Variants in MORC2 observed in about 807,000 individuals in gnomAD.
MORC2 encodes the protein MORC family CW-type zinc finger 2.
Under a neutral mutation model 136.0 loss-of-function variants are expected in MORC2, and 30 were observed. The observed-to-expected ratio is 0.22, with a 90% confidence interval of 0.17 to 0.30. MORC2 has a LOEUF of 0.30. Ranked by LOEUF, MORC2 falls within the 10% of genes least tolerant of loss-of-function variation. The pLI, the probability that MORC2 is intolerant of heterozygous loss-of-function variation, is 1.00. For missense variants in MORC2, 922 were observed against 1,333.1 expected (o/e 0.69, Z 4.80); for synonymous variants, 439 against 487.0 (o/e 0.90, Z 1.30).
chr22:30,941,606 G>A lies in MORC2; in HGVS notation c.699-48C>T. The A allele has an allele frequency of 6.3e-7, 1 of 1,593,594 alleles. No individual in the cohort carries two copies. ...AGTGCTGTCACCTGCTCCACAACAG[G>A]CCTGACCAAGGGCACAACATCCTCT... On this transcript the variant is annotated intron_variant, in intron 8 of 25. Transcript: ENST00000397641. This position sits in a 1 kb window ranked among gnomAD's most constrained non-coding sequence, Gnocchi z 4.6.
chr22:30,959,269 T>C (rs2041009705), intron 1 of MORC2, among the ~76,000 whole-genome samples: 1 of 151,908 alleles, frequency 6.6e-6, no homozygotes, highest in African/African-American at 2.4e-5. Context: ...CTTGAAGGGG[T>C]TAATGTTAAC....
At position 30,946,721 on chromosome 22, in the gene MORC2, T is replaced by C. The variant is rs76902147; in HGVS notation, c.318-272A>G. 3.3e-5 allele frequency among the ~76,000 whole-genome samples: 5 copies of C among 152,150 alleles called. No homozygotes were observed. The East Asian group carries it at 9.7e-4, about 29-fold the overall frequency. On this transcript the variant is annotated intron_variant, in intron 5 of 25. Transcript: ENST00000397641. ...CCATACAGGGTTCTCTCACCACCCTTCTAGGGCGGGCTCACGGCAGACCAC... is the reference window on the plus strand; with the variant it reads ...CCATACAGGGTTCTCTCACCACCCTCCTAGGGCGGGCTCACGGCAGACCAC...
intron 20 of MORC2, among the ~76,000 whole-genome samples, chr22:30,933,808 A>C (rs2040612192): frequency 6.6e-6 from 1 of 152,168 alleles, no homozygotes; most frequent in African/African-American, 2.4e-5. Context: ...AGTCTCACTC[A>C]AGACCCTACC....
At chr22:30,966,757 AAC>A (rs1420734368) in intron 1 of MORC2, among the ~76,000 whole-genome samples, 2 of 152,188 alleles carry the variant, frequency 1.3e-5, no homozygotes, top group African/African-American at 4.8e-5. Flanking sequence ...TAGCCTGAGC[AAC>A]AGAGCAAGAC....
rs1350918560 is a variant in MORC2, at chr22:30,934,024, G to A, written c.2325+36C>T. On this transcript the variant is annotated intron_variant, in intron 20 of 25. Transcript: ENST00000397641. The surrounding 1 kb of genome is among the most constrained non-coding windows in gnomAD (Gnocchi z 4.4). ...GCTGGTGGGGGCTGCAGGCCCTAGA[G>A]AGAGAGGCTTTGAGAACCTCACCTC... is the stretch of plus-strand genomic sequence containing the variant. 1.4e-5 allele frequency: 22 copies of A among 1,612,940 alleles called. No individual in the cohort carries two copies. Among genetic ancestry groups the A allele is most frequent in the Non-Finnish European group, 1.8e-5 (21 of 1,179,428 alleles).
intron 1 of MORC2, chr22:30,967,322 G>A: frequency 1.0e-6 from 1 of 987,722 alleles, no homozygotes; most frequent in Non-Finnish European, 1.2e-6. Flanking sequence ...TATTGGATGT[G>A]AGCAATCTGC....
rs144332183 is a variant in MORC2, at chr22:30,932,098, G to A, written c.2841+261C>T. The A allele has an allele frequency of 5.2e-3, 2,171 of 419,566 alleles. 12 individuals carry two copies. The highest frequency in any genetic ancestry group is 0.012 in the Middle Eastern group (18 of 1,498). The allele number at this position is 419,566 out of a possible 1,614,324, so 26.0% of individuals were successfully genotyped here. A position where few individuals can be genotyped will look rare whatever the true frequency, so the allele number is the denominator to read the frequency against. ...CAAACTACACCTGCTATCCCTAAGG[G>A]ATGACTCAACTCCTAGCACCTGTGG... On this transcript the variant is annotated intron_variant, in intron 24 of 25. Transcript: ENST00000397641. This position sits in a 1 kb window ranked among gnomAD's most constrained non-coding sequence, Gnocchi z 4.4.
chr22:30,936,401 G>T, intron 17 of MORC2, 110 bp downstream of exon 17: 1 of 1,455,370 alleles, frequency 6.9e-7, no homozygotes, highest in Non-Finnish European at 9.3e-7. Flanking sequence ...CAACGCGGGT[G>T]AGTGGAGGGT....
intron 1 of MORC2, chr22:30,967,426 CTT>C (rs2041144911): frequency 2.0e-6 from 2 of 989,420 alleles, no homozygotes; most frequent in South Asian, 4.6e-5. Context: ...AAAGTAAACA[CTT>C]GTTATAAACC....
rs2040738230 is a variant in MORC2, at chr22:30,941,307, A to AT, written c.824+125_824+126insA. The AT allele has an allele frequency of 7.3e-7, 1 of 1,362,568 alleles. No homozygotes were observed. Among genetic ancestry groups the AT allele is most frequent in the Non-Finnish European group, 9.8e-7 (1 of 1,019,904 alleles). 84.4% of individuals were successfully genotyped at this position (1,362,568 alleles called of 1,614,324 possible). A position where few individuals can be genotyped will look rare whatever the true frequency, so the allele number is the denominator to read the frequency against. ...CCCTGTGACCAATCACAGGCAACTT[A>AT]AAGTCCCAAACGTAGTCAGCACTGC... On this transcript the variant is annotated intron_variant, in intron 9 of 25. Transcript: ENST00000397641. The surrounding 1 kb of genome is among the most constrained non-coding windows in gnomAD (Gnocchi z 4.6).
Position 30,941,991 on chromosome 22 carries a change from T to C in MORC2, c.598A>G (p.Ile200Val), listed in dbSNP as rs765371898. The change falls in exon 8 of 26, where the codon ATC becomes GTC. Residue 200 changes from isoleucine to valine, a missense_variant. Coordinates refer to ENST00000397641, the MANE Select transcript of MORC2 (RefSeq NM_001303256.3). The surrounding 1 kb of genome is among the most constrained non-coding windows in gnomAD (Gnocchi z 4.6). ...TCCATGAGTTTGAGATTGAAGATGA[T>C]CACCAATGTTCCTGAGAAACAGAAA... ...KIPGDSGTLV[I>V]IFNLKLMDNG... 25 of 1,613,272 alleles carry C rather than the reference T, an allele frequency of 1.5e-5. No individual in the cohort carries two copies. In the East Asian group the frequency reaches 3.8e-4, roughly 24 times the overall value.
chr22:30,945,601 T>A (rs1044228814), intron 6 of MORC2, among the ~76,000 whole-genome samples: 1 of 152,178 alleles, frequency 6.6e-6, no homozygotes, highest in South Asian at 2.1e-4. Context: ...TCTCCCACAA[T>A]GAGGGGGCAT....
intron 4 of MORC2, 136 bp from the exon 5 acceptor site, chr22:30,949,978 A>C (rs2040865264): frequency 8.2e-6 from 6 of 733,274 alleles, no homozygotes; most frequent in Non-Finnish European, 1.4e-5. Context: ...GAAATTCACC[A>C]CCATGAAGCA....
chr22:30,941,305 T>C lies in MORC2; in HGVS notation c.824+128A>G. On this transcript the variant is annotated intron_variant, in intron 9 of 25. Transcript: ENST00000397641. The surrounding 1 kb of genome is among the most constrained non-coding windows in gnomAD (Gnocchi z 4.6). ...GACCCTGTGACCAATCACAGGCAAC[T>C]TAAAGTCCCAAACGTAGTCAGCACT... The C allele has an allele frequency of 7.3e-7, 1 of 1,361,144 alleles. No homozygotes were observed. The highest frequency in any genetic ancestry group is 1.5e-5 in the South Asian group (1 of 68,318). 84.3% of individuals were successfully genotyped at this position (1,361,144 alleles called of 1,614,324 possible).
At chr22:30,950,337 G>GCAAC in intron 4 of MORC2, 40 bp downstream of exon 4, 7 of 761,760 alleles carry the variant, frequency 9.2e-6, no homozygotes, top group South Asian at 2.8e-5. Context: ...TGGTTACATC[G>GCAAC]CACCCCCCCA....
In MORC2 at chr22:30,932,219, AG is replaced by A. The variant is rs1181110278; in HGVS notation, c.2841+139del. Reference sequence around the variant, plus strand: ...CTCTCCTCTTCTTTCAGCAGGAGAGAGGCTGGCTGAGATGGAGCACACAGCT... The same window carrying A: ...CTCTCCTCTTCTTTCAGCAGGAGAGAGCTGGCTGAGATGGAGCACACAGCT... On this transcript the variant is annotated intron_variant, in intron 24 of 25. Transcript: ENST00000397641. The surrounding 1 kb of genome is among the most constrained non-coding windows in gnomAD (Gnocchi z 4.4). 6.4e-6 allele frequency: 5 copies of A among 781,294 alleles called. No individual in the cohort carries two copies. Among genetic ancestry groups the A allele is most frequent in the Admixed American group, 5.0e-5 (2 of 40,290 alleles). 48.4% of individuals were successfully genotyped at this position (781,294 alleles called of 1,614,324 possible).
chr22:30,960,317 A>G (rs539382566), intron 1 of MORC2, among the ~76,000 whole-genome samples: 29 of 152,290 alleles, frequency 1.9e-4, no homozygotes, highest in Non-Finnish European at 7.4e-5. Context: ...TTATAGGAAG[A>G]CCTTTCCCCC....
At chr22:30,964,672 A>G (rs1216571777) in intron 1 of MORC2, among the ~76,000 whole-genome samples, 2 of 152,248 alleles carry the variant, frequency 1.3e-5, no homozygotes, top group African/African-American at 4.8e-5. Context: ...ATGTTAAATT[A>G]ACTGAAGACT....
At chr22:30,955,063 A>G (rs1206187739) in intron 3 of MORC2, among the ~76,000 whole-genome samples, 2 of 147,446 alleles carry the variant, frequency 1.4e-5, no homozygotes, top group Admixed American at 7.0e-5. Flanking sequence ...GGTTTAAGCG[A>G]TTCTCCTGCT....
Sources: gnomAD v4.1 joint callset for allele counts (sites outside exome capture counted in the v4.1 genomes callset) on GRCh38, gnomAD v4.1.1 for gene constraint, Gnocchi (gnomAD v3.1) non-coding constraint, MANE v1.5 for transcripts, NCBI Gene and HGNC (gene_info 2026-07-23, HGNC 2026-07-21) for gene names.